The following PCDH17 variants were observed in gnomAD, a reference collection of about 807,000 sequenced individuals.
The protein encoded by PCDH17 is protocadherin-17.
In PCDH17, 21 loss-of-function variants were observed where a neutral mutation model predicts 67.7. The ratio of observed to expected loss-of-function variants is 0.31; its 90% CI spans 0.22 to 0.45. The LOEUF is 0.45. Ranked by LOEUF, PCDH17 falls within the 20% of genes least tolerant of loss-of-function variation. The pLI is 1.00. For synonymous variants in PCDH17, 701 were observed against 656.7 expected, an observed-to-expected ratio of 1.07 and a Z score of -1.03; for missense variants, 1,471 against 1,564.8, an observed-to-expected ratio of 0.94 and a Z score of 1.01.
At chr13:57,667,078 T>A (rs770312788) in intron 3 of PCDH17, among the ~76,000 whole-genome samples, 38 of 152,176 alleles carry the variant, frequency 2.5e-4, no homozygotes, top group Admixed American at 1.0e-3. Context: ...GTCACTTGAT[T>A]GTTCTTATTT....
intron 1 of PCDH17, among the ~76,000 whole-genome samples, chr13:57,664,323 T>C (rs964264743): frequency 1.3e-5 from 2 of 152,228 alleles, no homozygotes; most frequent in African/African-American, 4.8e-5. Context: ...CCAGAGTTCA[T>C]CAAATGCTCA....
chr13:57,706,010 A>C (rs9569728), intron 3 of PCDH17, among the ~76,000 whole-genome samples: 122,629 of 149,846 alleles, frequency 0.82, 50,654 homozygotes, highest in African/African-American at 0.94. Flanking sequence ...AGAAAAACTC[A>C]GTCTTAAAAA....
chr13:57,634,597 T>C lies in PCDH17; in HGVS notation c.2051T>C (p.Val684Ala), dbSNP rs1357960015. Residue 684 changes from valine (V) to alanine (A), a missense_variant, in exon 1 of 4, where the codon GTG becomes GCG. Val to Ala is a moderately conservative substitution (Grantham distance 64). This residue lies in a region of PCDH17 where 1,163 missense variants were observed against 1,230.0 expected (regional missense o/e 0.95). Transcript: ENST00000377918. The surrounding 1 kb of genome is among the most constrained non-coding windows in gnomAD (Gnocchi z 7.8). ...SAVAKLIIRS[V>A]SGSLPEGVPR... ...GTGGCCAAGCTCATCATCCGCTCGG[T>C]GAGCGGATCCCTTCCCGAGGGGGTA... The C allele has an allele frequency of 2.5e-6, 4 of 1,613,208 alleles. No individual in the cohort carries two copies. The South Asian group carries it at 4.4e-5, about 18-fold the overall frequency.
chr13:57,634,786 A>G lies in PCDH17; in HGVS notation c.2240A>G (p.Tyr747Cys), dbSNP rs1478310898. ...IRTYNCRIAE[Y>C]SHPQLGGGKG... is the part of the protein sequence containing the mutation. ...ACTTACAACTGCCGCATCGCCGAGT[A>G]CAGCCACCCGCAGCTGGGTGGGGGC... is the stretch of plus-strand genomic sequence containing the variant. Residue 747 changes from tyrosine (Y) to cysteine (C), a missense_variant, in exon 1 of 4, where the codon TAC becomes TGC. Transcript: ENST00000377918. The surrounding 1 kb of genome is among the most constrained non-coding windows in gnomAD (Gnocchi z 7.8). 5 of 1,613,942 alleles carry G rather than the reference A, an allele frequency of 3.1e-6. No individual in the cohort carries two copies. The African/African-American group carries it at 5.3e-5, about 17-fold the overall frequency.
At chr13:57,668,468 G>A (rs914897590) in intron 3 of PCDH17, among the ~76,000 whole-genome samples, 3 of 152,104 alleles carry the variant, frequency 2.0e-5, no homozygotes, top group African/African-American at 7.2e-5. Context: ...CACATTAACT[G>A]TTTAATTTCA....
intron 3 of PCDH17, among the ~76,000 whole-genome samples, chr13:57,679,142 A>AT (rs921315511): frequency 5.9e-5 from 9 of 151,636 alleles, no homozygotes; most frequent in Admixed American, 2.6e-4. Context: ...CAAGATATGG[A>AT]TTTTTTTATT....
At position 57,632,894 on chromosome 13, in the gene PCDH17, C is replaced by T. The variant is rs1285758067; in HGVS notation, c.348C>T (p.Cys116=). ...LEVFANDKEI[C]MIKVEIQDIN... is the part of the protein sequence containing the mutation. The stretch of plus-strand genomic sequence containing the variant: ...TGTTCGCCAACGACAAGGAGATCTG[C>T]ATGATCAAGGTAGAGATCCAGGACA... The change falls in exon 1 of 4, where the codon TGC becomes TGT. Residue 116 remains cysteine, a synonymous_variant. Transcript: ENST00000377918. 1 of 1,613,958 alleles carries T rather than the reference C, an allele frequency of 6.2e-7. No homozygotes were observed. Among genetic ancestry groups the T allele is most frequent in the Non-Finnish European group, 8.5e-7 (1 of 1,180,034 alleles).
Position 57,666,658 on chromosome 13 carries a change from C to T in PCDH17, c.2625-3C>T. On this transcript the variant is annotated splice_region_variant and splice_polypyrimidine_tract_variant and intron_variant, in intron 2 of 3. Coordinates refer to ENST00000377918, the MANE Select transcript of PCDH17 (RefSeq NM_001040429.3). ...CTCTTCTTTTTCTTTATATGTATTT[C>T]AGTAGCTCCACGTTTAAGGACCCAG... 1 of 1,610,224 alleles carries T rather than the reference C, an allele frequency of 6.2e-7. No individual in the cohort carries two copies. Among genetic ancestry groups the T allele is most frequent in the Non-Finnish European group, 8.5e-7 (1 of 1,178,002 alleles).
intron 3 of PCDH17, among the ~76,000 whole-genome samples, chr13:57,713,923 A>G (rs1955798040): frequency 6.6e-6 from 1 of 151,584 alleles, no homozygotes; most frequent in African/African-American, 2.4e-5. Flanking sequence ...ATTTTTGAAA[A>G]TACTTGTCTG....
intron 1 of PCDH17, among the ~76,000 whole-genome samples, chr13:57,635,619 C>A (rs1335465309): frequency 6.6e-6 from 1 of 152,124 alleles, no homozygotes; most frequent in Admixed American, 6.5e-5. Context: ...TTTGAACTAA[C>A]TTTTCATCCT....
At chr13:57,671,338 T>C (rs1955319489) in intron 3 of PCDH17, among the ~76,000 whole-genome samples, 1 of 151,814 alleles carries the variant, frequency 6.6e-6, no homozygotes, top group South Asian at 2.1e-4. Flanking sequence ...AATGATTTTA[T>C]ATTTTGGAAG....
At chr13:57,693,057 C>T (rs1448606493) in intron 3 of PCDH17, among the ~76,000 whole-genome samples, 1 of 150,354 alleles carries the variant, frequency 6.7e-6, no homozygotes, top group East Asian at 2.0e-4. Context: ...AAATCCATGA[C>T]TCAGCCTGGA....
chr13:57,709,175 G>A (rs938238272), intron 3 of PCDH17, among the ~76,000 whole-genome samples: 1 of 151,306 alleles, frequency 6.6e-6, no homozygotes, highest in Non-Finnish European at 1.5e-5. Context: ...TGAGTAAAGG[G>A]CTAAATTACA....
Position 57,632,468 on chromosome 13 carries a change from C to T in PCDH17, c.-79C>T, listed in dbSNP as rs1484496673. 9.0e-6 allele frequency: 13 copies of T among 1,446,978 alleles called. No individual in the cohort carries two copies. The highest frequency in any genetic ancestry group is 2.2e-4 in the Middle Eastern group (1 of 4,458). 89.6% of individuals were successfully genotyped at this position (1,446,978 alleles called of 1,614,324 possible). ...GCTCGCGTCGCGCGCGCACGCTGCG[C>T]CAGGGCCCCAGGCTGGCGCGCACTC... On this transcript the variant is annotated 5_prime_UTR_variant, in exon 1 of 4. Transcript: ENST00000377918.
chr13:57,680,886 A>G (rs1207552975), intron 3 of PCDH17, among the ~76,000 whole-genome samples: 1 of 151,732 alleles, frequency 6.6e-6, no homozygotes, highest in Non-Finnish European at 1.5e-5. Flanking sequence ...TGATACTTCT[A>G]TGTTAAATAT....
chr13:57,639,258 AT>A (rs1371110268), intron 1 of PCDH17, among the ~76,000 whole-genome samples: 1 of 151,914 alleles, frequency 6.6e-6, no homozygotes. Flanking sequence ...TTTCTGTTTT[AT>A]CAGGCATTAA....
intron 1 of PCDH17, 90 bp from the exon 2 acceptor site, chr13:57,666,378 T>C: frequency 2.1e-6 from 2 of 953,408 alleles, no homozygotes; most frequent in Non-Finnish European, 3.3e-6. Context: ...TTTTGAATTA[T>C]TAATCATTTT....
In PCDH17 at chr13:57,633,950, C is replaced by T. The variant is rs1408552931; in HGVS notation, c.1404C>T (p.Asn468=). The T allele has an allele frequency of 6.2e-7, 1 of 1,613,564 alleles. No individual in the cohort carries two copies. Among genetic ancestry groups the T allele is most frequent in the Non-Finnish European group, 8.5e-7 (1 of 1,180,028 alleles). Reference sequence around the variant, plus strand: ...TCAAGATTCTAGACGAGAACGACAACCCGCCTCGGTTCACCAAAGGGCTCT... The same window carrying T: ...TCAAGATTCTAGACGAGAACGACAATCCGCCTCGGTTCACCAAAGGGCTCT... The part of the protein sequence containing the change: ...FAIKILDEND[N]PPRFTKGLYV... The change falls in exon 1 of 4, where the codon AAC becomes AAT. Residue 468 remains asparagine, a synonymous_variant. Transcript: ENST00000377918. This position sits in a 1 kb window ranked among gnomAD's most constrained non-coding sequence, Gnocchi z 6.2.
At chr13:57,660,048 A>G (rs1169291992) in intron 1 of PCDH17, among the ~76,000 whole-genome samples, 1 of 152,102 alleles carries the variant, frequency 6.6e-6, no homozygotes, top group Non-Finnish European at 1.5e-5. Context: ...AGACTAGGGC[A>G]ACTTGGCAAA....
Sources: allele counts gnomAD v4.1 joint callset (sites outside exome capture counted in the v4.1 genomes callset), GRCh38; gene constraint gnomAD v4.1.1; regional missense constraint gnomAD v4.1.1; non-coding constraint Gnocchi (gnomAD v3.1); transcripts MANE v1.5; gene names NCBI Gene and HGNC (gene_info 2026-07-23, HGNC 2026-07-21).